FHIT: variants seen among roughly 807,000 people sequenced by gnomAD.
FHIT encodes bis(5'-adenosyl)-triphosphatase.
A neutral mutation model predicts 17.9 loss-of-function variants in FHIT; 19 were observed. That is an observed-to-expected ratio of 1.06 (90% CI 0.74 to 1.56). FHIT has a LOEUF of 1.56. FHIT is among the 40% of genes most tolerant of loss of function. The pLI is 0.00. For synonymous variants in FHIT, 81 were observed against 69.7 expected, an observed-to-expected ratio of 1.16 and a Z score of -0.81; for missense variants, 248 against 189.2, an observed-to-expected ratio of 1.31 and a Z score of -1.82.
chr3:60,888,296 A>T (rs969033763), intron 3 of FHIT, among the ~76,000 whole-genome samples: 1 of 152,198 alleles, frequency 6.6e-6, no homozygotes, highest in Non-Finnish European at 1.5e-5. Flanking sequence ...GTTTTAGCCA[A>T]CTATATTTCC....
At chr3:59,942,631 C>G (rs1230613668) in intron 7 of FHIT, among the ~76,000 whole-genome samples, 1 of 152,074 alleles carries the variant, frequency 6.6e-6, no homozygotes, top group Non-Finnish European at 1.5e-5. Context: ...ACTTAGCTGT[C>G]TGGATTACAG....
At position 60,128,353 on chromosome 3, in the gene FHIT, C is replaced by T. The variant is rs757613138; in HGVS notation, c.104-114201G>A. ...ATGTTTTAAGGGACTTGACCTTTCA[C>T]TTGGCTCTCATTCTTCTCCTTCCTG... On this transcript the variant is annotated intron_variant, in intron 5 of 9. Coordinates refer to ENST00000492590, the MANE Select transcript of FHIT (RefSeq NM_002012.4). Among the ~76,000 whole-genome samples, 15 of 152,298 alleles carry T rather than the reference C, an allele frequency of 9.8e-5. 1 individual carries two copies. The highest frequency in any genetic ancestry group is 2.1e-4 in the Non-Finnish European group (14 of 68,040).
At chr3:61,157,213 A>G (rs529693464) in intron 2 of FHIT, among the ~76,000 whole-genome samples, 2 of 152,298 alleles carry the variant, frequency 1.3e-5, no homozygotes, top group East Asian at 3.9e-4. Context: ...ATTGTCTTGC[A>G]CATTTAATGT....
At chr3:60,762,262 C>T (rs1553720193) in intron 4 of FHIT, among the ~76,000 whole-genome samples, 1 of 152,102 alleles carries the variant, frequency 6.6e-6, no homozygotes, top group African/African-American at 2.4e-5. Context: ...CTTAACCTCC[C>T]TTGCATCTAG....
chr3:60,220,464 T>C (rs901191038), intron 5 of FHIT, among the ~76,000 whole-genome samples: 8 of 151,002 alleles, frequency 5.3e-5, no homozygotes, highest in Admixed American at 4.0e-4. Flanking sequence ...TCAACTGACA[T>C]AATAGCATTC....
intron 5 of FHIT, among the ~76,000 whole-genome samples, chr3:60,075,087 A>G (rs1702945276): frequency 6.6e-6 from 1 of 152,120 alleles, no homozygotes; most frequent in African/African-American, 2.4e-5. Flanking sequence ...AAAAACCTTA[A>G]TAAGATTTGG....
rs1006502723 is a variant in FHIT at position 61,027,079 on chromosome 3, T to G, written c.-111+14968A>C. ...ATAAATAAATATATGAAGCTCGTCA[T>G]GTCCTTATACTTTTTTCTTTTTTTT... On this transcript the variant is annotated intron_variant, in intron 3 of 9. Transcript: ENST00000492590. Among the ~76,000 whole-genome samples the G allele has an allele frequency of 2.6e-5, 4 of 152,072 alleles. No individual in the cohort carries two copies. In the South Asian group the frequency reaches 8.3e-4, roughly 31 times the overall value.
chr3:60,535,021 A>G (rs931805797), intron 5 of FHIT, among the ~76,000 whole-genome samples: 1 of 152,214 alleles, frequency 6.6e-6, no homozygotes, highest in African/African-American at 2.4e-5. Flanking sequence ...ATTATTAACC[A>G]TTTTAAAAAG....
At chr3:60,441,715 T>C (rs867800394) in intron 5 of FHIT, among the ~76,000 whole-genome samples, 5,976 of 85,962 alleles carry the variant, frequency 0.07, 291 homozygotes, top group Middle Eastern at 0.17. Context: ...TATATATATA[T>C]ATATATATTT....
intron 3 of FHIT, among the ~76,000 whole-genome samples, chr3:61,032,178 A>T (rs1050109553): frequency 9.2e-5 from 14 of 152,208 alleles, no homozygotes; most frequent in African/African-American, 3.4e-4. Context: ...CTACAGGTAA[A>T]TAATATTCTG....
chr3:61,167,494 G>A (rs893464433), intron 2 of FHIT, among the ~76,000 whole-genome samples: 22 of 151,234 alleles, frequency 1.5e-4, no homozygotes, highest in East Asian at 3.9e-4. Flanking sequence ...AAAATTAGTC[G>A]GGCATGTGCC....
At chr3:61,020,379 G>C (rs1406296020) in intron 3 of FHIT, among the ~76,000 whole-genome samples, 1 of 151,894 alleles carries the variant, frequency 6.6e-6, no homozygotes, top group Non-Finnish European at 1.5e-5. Flanking sequence ...ACTTTTTATG[G>C]GGTTGTTTGT....
At chr3:60,255,140 T>A (rs934559226) in intron 5 of FHIT, among the ~76,000 whole-genome samples, 1 of 152,192 alleles carries the variant, frequency 6.6e-6, no homozygotes, top group African/African-American at 2.4e-5. Context: ...GAATAAAGTG[T>A]CATGAGAATT....
At chr3:60,366,799 A>G (rs1304366544) in intron 5 of FHIT, among the ~76,000 whole-genome samples, 1 of 152,174 alleles carries the variant, frequency 6.6e-6, no homozygotes, top group Admixed American at 6.5e-5. Flanking sequence ...TTGTTTTACA[A>G]CAGCAGAAAA....
chr3:60,124,662 G>C (rs754012487), intron 5 of FHIT, among the ~76,000 whole-genome samples: 1 of 152,142 alleles, frequency 6.6e-6, no homozygotes, highest in Non-Finnish European at 1.5e-5. Flanking sequence ...GTCTACCAAA[G>C]AGCAATGCAG....
chr3:60,744,784 A>T (rs1390324511), intron 4 of FHIT, among the ~76,000 whole-genome samples: 1 of 152,220 alleles, frequency 6.6e-6, no homozygotes, highest in Non-Finnish European at 1.5e-5. Flanking sequence ...TTAACTAGAT[A>T]AATCCCTCAA....
At chr3:60,291,713 A>T (rs1707993254) in intron 5 of FHIT, among the ~76,000 whole-genome samples, 1 of 152,126 alleles carries the variant, frequency 6.6e-6, no homozygotes, top group Admixed American at 6.6e-5. Context: ...TTCCTGTGTC[A>T]AAATTATCCA....
At chr3:59,882,750 C>A (rs1703462823) in intron 8 of FHIT, among the ~76,000 whole-genome samples, 1 of 152,164 alleles carries the variant, frequency 6.6e-6, no homozygotes, top group Non-Finnish European at 1.5e-5. Flanking sequence ...ACATATGACA[C>A]CTAACACCTT....
At chr3:60,288,100 C>T (rs1185381514) in intron 5 of FHIT, among the ~76,000 whole-genome samples, 1 of 152,138 alleles carries the variant, frequency 6.6e-6, no homozygotes, top group Non-Finnish European at 1.5e-5. Flanking sequence ...CTGAAGCATC[C>T]ACCTCAGGTT....
Sources: allele counts gnomAD v4.1 joint callset (sites outside exome capture counted in the v4.1 genomes callset), GRCh38; gene constraint gnomAD v4.1.1; transcripts MANE v1.5; gene names NCBI Gene and HGNC (gene_info 2026-07-23, HGNC 2026-07-21).